Variants in CAAP1 observed in about 807,000 individuals in gnomAD.
The protein encoded by CAAP1 is caspase activity and apoptosis inhibitor 1.
CAAP1 carries 20 observed loss-of-function variants against 34.0 expected under a neutral mutation model. The ratio of observed to expected loss-of-function variants is 0.59; its 90% CI spans 0.41 to 0.86. The LOEUF is 0.86. CAAP1 is among the 40% of genes least tolerant of loss of function. The pLI is 0.00. For missense variants in CAAP1, 538 were observed against 450.5 expected, an observed-to-expected ratio of 1.19 and a Z score of -1.76; for synonymous variants, 213 against 166.7, an observed-to-expected ratio of 1.28 and a Z score of -2.14.
intron 1 of CAAP1, among the ~76,000 whole-genome samples, chr9:26,889,254 T>TA (rs1413809936): frequency 6.6e-6 from 1 of 151,838 alleles, no homozygotes; most frequent in Non-Finnish European, 1.5e-5. Context: ...CCGTGTCTAA[T>TA]AAAAAACAGA....
At chr9:26,854,830 A>G (rs1822830650) in intron 5 of CAAP1, among the ~76,000 whole-genome samples, 1 of 152,206 alleles carries the variant, frequency 6.6e-6, no homozygotes, top group Non-Finnish European at 1.5e-5. Context: ...GAATTGCATA[A>G]GAAACAAGAG....
intron 5 of CAAP1, among the ~76,000 whole-genome samples, chr9:26,852,623 T>C (rs1464271343): frequency 1.3e-5 from 2 of 152,130 alleles, no homozygotes; most frequent in Non-Finnish European, 2.9e-5. Context: ...AGATTTGACA[T>C]ATTGGAACAC....
intron 4 of CAAP1, among the ~76,000 whole-genome samples, 192 bp from the exon 5 acceptor site, chr9:26,861,331 A>C (rs1186139978): frequency 1.3e-5 from 2 of 152,214 alleles, no homozygotes; most frequent in Admixed American, 6.5e-5. Flanking sequence ...GCTACAAACT[A>C]CTAGCAATTT....
chr9:26,859,564 G>A (rs1822956731), intron 5 of CAAP1, among the ~76,000 whole-genome samples: 1 of 152,064 alleles, frequency 6.6e-6, no homozygotes. Flanking sequence ...CAGAAACAAA[G>A]AAGAAACAGT....
intron 5 of CAAP1, among the ~76,000 whole-genome samples, chr9:26,846,492 G>C (rs981611718): frequency 6.7e-6 from 1 of 150,036 alleles, no homozygotes; most frequent in Non-Finnish European, 1.5e-5. Context: ...TGGTGTCTTT[G>C]GCTATGATTT....
intron 4 of CAAP1, among the ~76,000 whole-genome samples, chr9:26,879,394 C>T (rs934443109): frequency 3.3e-5 from 5 of 152,052 alleles, no homozygotes; most frequent in African/African-American, 4.8e-5. Context: ...CCTGAATTTA[C>T]GTTAAAAATT....
chr9:26,861,661 T>C (rs1483731583), intron 4 of CAAP1, among the ~76,000 whole-genome samples: 3 of 152,220 alleles, frequency 2.0e-5, no homozygotes, highest in Non-Finnish European at 2.9e-5. Flanking sequence ...CAATTCACTA[T>C]GTTCTGGAAT....
chr9:26,842,188 T>C lies in CAAP1; in HGVS notation c.*113A>G. 1 of 808,236 alleles carries C rather than the reference T, an allele frequency of 1.2e-6. No homozygotes were observed. 50.1% of individuals were successfully genotyped at this position (808,236 alleles called of 1,614,324 possible). On this transcript the variant is annotated 3_prime_UTR_variant, in exon 6 of 6. Transcript: ENST00000333916. ...GGTAATTTAGGGCTAAAATGAGTCC[T>C]AATAAGGGTTACATGAGAAATAACA...
intron 4 of CAAP1, among the ~76,000 whole-genome samples, chr9:26,877,501 C>A (rs1823471061): frequency 6.6e-6 from 1 of 152,216 alleles, no homozygotes; most frequent in Non-Finnish European, 1.5e-5. Context: ...ATCATCTCTA[C>A]ATTCCTGCCT....
intron 4 of CAAP1, among the ~76,000 whole-genome samples, chr9:26,878,428 C>G (rs1823499589): frequency 6.6e-6 from 1 of 152,200 alleles, no homozygotes; most frequent in Non-Finnish European, 1.5e-5. Flanking sequence ...TCTCCCTCCA[C>G]AGATCCACAA....
intron 1 of CAAP1, among the ~76,000 whole-genome samples, chr9:26,891,408 T>C (rs557678041): frequency 1.8e-3 from 277 of 152,304 alleles, no homozygotes; most frequent in Admixed American, 3.7e-3. Context: ...ATATATACTG[T>C]TTGGACTATA....
chr9:26,842,180 AT>A lies in CAAP1; in HGVS notation c.*120del. On this transcript the variant is annotated 3_prime_UTR_variant, in exon 6 of 6. Transcript: ENST00000333916. ...CAGCCACAGGTAATTTAGGGCTAAA[AT>A]GAGTCCTAATAAGGGTTACATGAGA... 1.4e-6 allele frequency: 1 copy of A among 720,596 alleles called. No homozygotes were observed. The highest frequency in any genetic ancestry group is 2.2e-6 in the Non-Finnish European group (1 of 455,080). The allele number at this position is 720,596 out of a possible 1,614,324, so 44.6% of individuals were successfully genotyped here.
rs112420575 is a variant in CAAP1, at chr9:26,843,910, A to C, written c.740-1263T>G. On this transcript the variant is annotated intron_variant, in intron 5 of 5. Coordinates refer to ENST00000333916, the MANE Select transcript of CAAP1 (RefSeq NM_024828.4). ...TCCATAAATAGAACTTGTAAAAATA[A>C]GATTATCATTTTATTTGATGGCAAA... 4.6e-3 allele frequency among the ~76,000 whole-genome samples: 698 copies of C among 152,344 alleles called. 5 individuals are homozygous for C. The highest frequency in any genetic ancestry group is 0.016 in the African/African-American group (653 of 41,588).
rs1366349539 is a variant in CAAP1 at position 26,842,409 on chromosome 9, T to A, written c.978A>T (p.Pro326=). The change falls in exon 6 of 6, where the codon CCA becomes CCT. Residue 326 remains proline (P), a synonymous_variant. Coordinates refer to ENST00000333916, the MANE Select transcript of CAAP1 (RefSeq NM_024828.4). ...PKAATLAVPP[P]EDVQPSAQQL... is the part of the protein sequence containing the mutation. ...GCTGTGCAGAAGGTTGAACATCTTC[T>A]GGTGGAGGAACAGCCAGGGTGGCTG... The A allele has an allele frequency of 6.2e-7, 1 of 1,614,192 alleles. No individual in the cohort carries two copies. The highest frequency in any genetic ancestry group is 2.2e-5 in the East Asian group (1 of 44,886).
At chr9:26,890,243 C>G (rs940293478) in intron 1 of CAAP1, among the ~76,000 whole-genome samples, 1 of 151,830 alleles carries the variant, frequency 6.6e-6, no homozygotes, top group Non-Finnish European at 1.5e-5. Context: ...TGGTGGCGGG[C>G]ACCTGTAATC....
In CAAP1 at chr9:26,845,618, C is replaced by T. The variant is rs113238053; in HGVS notation, c.740-2971G>A. On this transcript the variant is annotated intron_variant, in intron 5 of 5. Coordinates refer to ENST00000333916, the MANE Select transcript of CAAP1 (RefSeq NM_024828.4). ...CTGGAACTCCTGACCTCGTGATCCA[C>T]CCACCTCAGCCTCCCAAAGTGCTAG... Among the ~76,000 whole-genome samples the T allele has an allele frequency of 1.8e-3, 268 of 152,328 alleles. 3 individuals carry two copies. Among genetic ancestry groups the T allele is most frequent in the African/African-American group, 6.0e-3 (251 of 41,572 alleles).
intron 4 of CAAP1, among the ~76,000 whole-genome samples, chr9:26,882,773 T>C (rs1823627448): frequency 6.6e-6 from 1 of 152,150 alleles, no homozygotes; most frequent in Non-Finnish European, 1.5e-5. Context: ...GGAGGGAGGC[T>C]GTACCCTACA....
intron 1 of CAAP1, 103 bp downstream of exon 1, chr9:26,892,310 C>T (rs1823923454): frequency 6.5e-7 from 1 of 1,543,536 alleles, no homozygotes; most frequent in Admixed American, 1.9e-5. Flanking sequence ...TTGAGATTGC[C>T]GCGCTAGCAG....
intron 5 of CAAP1, among the ~76,000 whole-genome samples, chr9:26,856,051 C>T (rs773057080): frequency 8.6e-5 from 13 of 151,908 alleles, no homozygotes; most frequent in African/African-American, 1.7e-4. Context: ...TGGGTTGAAG[C>T]GATCCTCCCT....
Sources: gnomAD v4.1 joint callset for allele counts (sites outside exome capture counted in the v4.1 genomes callset) on GRCh38, gnomAD v4.1.1 for gene constraint, MANE v1.5 for transcripts, NCBI Gene and HGNC (gene_info 2026-07-23, HGNC 2026-07-21) for gene names.